B4GALT1: variants seen among roughly 807,000 people sequenced by gnomAD.
B4GALT1 encodes beta-1,4-galactosyltransferase 1.
A neutral mutation model predicts 34.9 loss-of-function variants in B4GALT1; 16 were observed. The observed-to-expected ratio is 0.46, with a 90% CI of 0.31 to 0.70. B4GALT1 has a LOEUF of 0.70. Ranked by LOEUF, B4GALT1 falls within the 30% of genes least tolerant of loss-of-function variation. B4GALT1 has a pLI of 0.05. For missense variants in B4GALT1, 445 were observed against 530.5 expected (o/e 0.84, Z 1.58); for synonymous variants, 221 against 218.1 (o/e 1.01, Z -0.12).
rs541306145 is a variant in B4GALT1, at chr9:33,113,205, C to T, written c.*249G>A. Reference sequence around the variant, plus strand: ...GTGTACAGTTCTGACTCTGGGGTGACACTGCGAACACATCAAGAAACCCGC... The same window carrying T: ...GTGTACAGTTCTGACTCTGGGGTGATACTGCGAACACATCAAGAAACCCGC... On this transcript the variant is annotated 3_prime_UTR_variant, in exon 6 of 6. Transcript: ENST00000379731. 5 of 557,458 alleles carry T rather than the reference C, an allele frequency of 9.0e-6. No individual in the cohort carries two copies. The highest frequency in any genetic ancestry group is 5.9e-5 in the South Asian group (3 of 51,108). The allele number at this position is 557,458 out of a possible 1,614,324, so 34.5% of individuals were successfully genotyped here.
rs2118352668 is a variant in B4GALT1 at position 33,167,145 on chromosome 9, T to C, written c.25A>G (p.Ser9Gly). The C allele has an allele frequency of 6.2e-7, 1 of 1,601,342 alleles. No individual in the cohort carries two copies. Among genetic ancestry groups the C allele is most frequent in the Non-Finnish European group, 8.5e-7 (1 of 1,176,112 alleles). The change falls in exon 1 of 6, where the codon AGC (serine) becomes GGC (glycine). Residue 9 changes from serine to glycine, a missense_variant. Ser to Gly is a moderately conservative substitution (Grantham distance 56). Transcript: ENST00000379731. ...GCGCCTGGCATCGCGGCGCTGCCGC[T>C]CAGGAGCGGCTCCCGAAGCCTCATC... MRLREPLLSGSAAMPGASL... is the reference protein window; with the variant it reads MRLREPLLGGSAAMPGASL...
At chr9:33,153,621 C>G (rs903358365) in intron 1 of B4GALT1, among the ~76,000 whole-genome samples, 2 of 152,052 alleles carry the variant, frequency 1.3e-5, no homozygotes, top group Non-Finnish European at 2.9e-5. Flanking sequence ...TTAGATGAAG[C>G]AAACTCCTTG....
chr9:33,159,828 A>G (rs1460789443), intron 1 of B4GALT1, among the ~76,000 whole-genome samples: 1 of 152,182 alleles, frequency 6.6e-6, no homozygotes. Flanking sequence ...TTCACCCACA[A>G]CCACAGCCCC....
At chr9:33,169,517 A>AATTTT (rs1840819473), upstream of B4GALT1, among the ~76,000 whole-genome samples, 1 of 91,972 alleles carries the variant, frequency 1.1e-5, no homozygotes, top group Non-Finnish European at 2.1e-5. Flanking sequence ...AAACTGCTTG[A>AATTTT]ATTTTTTTTT....
the B4GALT1 span, among the ~76,000 whole-genome samples, chr9:33,178,091 A>G: frequency 2.0e-5 from 3 of 147,250 alleles, no homozygotes; most frequent in African/African-American, 7.6e-5. Flanking sequence ...TCTTGGGCTC[A>G]GGTGATCCTC....
intron 2 of B4GALT1, among the ~76,000 whole-genome samples, chr9:33,133,875 G>T (rs995307342): frequency 6.6e-5 from 10 of 152,120 alleles, no homozygotes; most frequent in Admixed American, 6.5e-4. Flanking sequence ...AACATGCAAG[G>T]CTCCTTTCTG....
At chr9:33,104,849 ACT>A (rs1712635915) in intron 2 of B4GALT1, 1 of 432,216 alleles carries the variant, frequency 2.3e-6, no homozygotes, top group South Asian at 1.6e-5. Flanking sequence ...AGACAGTCTC[ACT>A]CTGTTGCCCA....
At chr9:33,175,196 C>CCTAGCTA in the B4GALT1 span, among the ~76,000 whole-genome samples, 1 of 149,800 alleles carries the variant, frequency 6.7e-6, no homozygotes, top group Non-Finnish European at 1.5e-5. Context: ...TACCTGTAGT[C>CCTAGCTA]CTAGCTACTT....
chr9:33,146,697 CT>C (rs11291171), intron 1 of B4GALT1, among the ~76,000 whole-genome samples: 113,903 of 140,764 alleles, frequency 0.81, 46,018 homozygotes, highest in East Asian at 0.99. Flanking sequence ...TCTTTCTTTT[CT>C]TTTTTTTTTT....
chr9:33,111,269 A>AAAAAAAAAAAC lies in B4GALT1; in HGVS notation c.*2184_*2185insGTTTTTTTTTT, dbSNP rs1564033722. On this transcript the variant is annotated 3_prime_UTR_variant, in exon 6 of 6. Coordinates refer to ENST00000379731, the MANE Select transcript of B4GALT1 (RefSeq NM_001497.4). ...GGTAACCAAAAAAAAAAAAAAAAAAAAAAAAAAAACAACAAGAAAAGGTAG... is the reference window on the plus strand; with the variant it reads ...GGTAACCAAAAAAAAAAAAAAAAAAAAAAAAAAAAACAAAAAAAAACAACAAGAAAAGGTAG... 6.9e-6 allele frequency: 1 copy of AAAAAAAAAAAC among 144,694 alleles called. No individual in the cohort carries two copies. The highest frequency in any genetic ancestry group is 2.6e-5 in the African/African-American group (1 of 38,322). 9.0% of individuals were successfully genotyped at this position (144,694 alleles called of 1,614,324 possible).
At chr9:33,133,185 G>A (rs1256447460) in intron 2 of B4GALT1, among the ~76,000 whole-genome samples, 1 of 152,228 alleles carries the variant, frequency 6.6e-6, no homozygotes, top group African/African-American at 2.4e-5. Flanking sequence ...TTACAGGCAT[G>A]AGCCACTGCG....
At chr9:33,158,879 A>G (rs1208270493) in intron 1 of B4GALT1, among the ~76,000 whole-genome samples, 1 of 152,120 alleles carries the variant, frequency 6.6e-6, no homozygotes, top group Non-Finnish European at 1.5e-5. Flanking sequence ...TGTAGTTACC[A>G]ATAAAAGTTT....
At chr9:33,171,936 T>C (rs1360154929), upstream of B4GALT1, among the ~76,000 whole-genome samples, 1 of 152,266 alleles carries the variant, frequency 6.6e-6, no homozygotes, top group East Asian at 1.9e-4. Flanking sequence ...GGCCACAGAT[T>C]ATTTAGATTC....
At chr9:33,178,569 C>A in the B4GALT1 span, among the ~76,000 whole-genome samples, 2 of 152,296 alleles carry the variant, frequency 1.3e-5, no homozygotes, top group East Asian at 1.9e-4. Context: ...CTCCTCTCAC[C>A]CCTTTATCCC....
At chr9:33,165,644 T>C (rs1427397062) in intron 1 of B4GALT1, among the ~76,000 whole-genome samples, 2 of 152,186 alleles carry the variant, frequency 1.3e-5, no homozygotes, top group Non-Finnish European at 2.9e-5. Flanking sequence ...AGAAAACTCC[T>C]ATTGGCAGGA....
chr9:33,168,756 T>C (rs536393356), upstream of B4GALT1, among the ~76,000 whole-genome samples: 1 of 152,350 alleles, frequency 6.6e-6, no homozygotes, highest in South Asian at 2.1e-4. Context: ...GAATGATTTA[T>C]AATATCCAAA....
At chr9:33,154,837 GT>G (rs879726869) in intron 1 of B4GALT1, among the ~76,000 whole-genome samples, 116 of 146,612 alleles carry the variant, frequency 7.9e-4, no homozygotes, top group South Asian at 1.5e-3. Flanking sequence ...AAAATATTGA[GT>G]TTTTTTTTTT....
chr9:33,141,180 G>A (rs1273168768), intron 1 of B4GALT1, among the ~76,000 whole-genome samples: 1 of 152,114 alleles, frequency 6.6e-6, no homozygotes, highest in African/African-American at 2.4e-5. Flanking sequence ...GGGTTGGTAG[G>A]GGAGTGGGCG....
At chr9:33,162,075 C>T (rs773113331) in intron 1 of B4GALT1, among the ~76,000 whole-genome samples, 7 of 152,134 alleles carry the variant, frequency 4.6e-5, no homozygotes, top group Non-Finnish European at 8.8e-5. Context: ...TTAGTCCCAG[C>T]CTGGAAATCC....
Sources: allele counts gnomAD v4.1 joint callset (sites outside exome capture counted in the v4.1 genomes callset), GRCh38; gene constraint gnomAD v4.1.1; transcripts MANE v1.5; gene names NCBI Gene and HGNC (gene_info 2026-07-23, HGNC 2026-07-21).